The following PRDM5 variants were observed in gnomAD, a reference collection of about 807,000 sequenced individuals.
The protein encoded by PRDM5 is PR/SET domain 5.
In PRDM5, 56 loss-of-function variants were observed where a neutral mutation model predicts 81.2. The observed-to-expected ratio is 0.69, with a 90% CI of 0.56 to 0.86. The LOEUF (loss-of-function observed/expected upper bound fraction) is 0.86. PRDM5 is among the 40% of genes least tolerant of loss of function. PRDM5 has a pLI of 0.00. For synonymous variants in PRDM5, 267 were observed against 256.4 expected, an observed-to-expected ratio of 1.04 and a Z score of -0.39; for missense variants, 697 against 770.1, an observed-to-expected ratio of 0.91 and a Z score of 1.12.
intron 14 of PRDM5, among the ~76,000 whole-genome samples, chr4:120,750,058 G>GC (rs954214361): frequency 1.7e-4 from 11 of 66,156 alleles, no homozygotes; most frequent in African/African-American, 6.5e-4. Context: ...AGACACATGT[G>GC]CCTATAGAGC....
In PRDM5 at chr4:120,838,926, A is replaced by G. The variant is rs551607196; in HGVS notation, c.300+14492T>C. The G allele has an allele frequency of 4.6e-4, 203 of 443,034 alleles. 1 individual carries two copies. In the Middle Eastern group the frequency reaches 0.014, roughly 32 times the overall value. 27.4% of individuals were successfully genotyped at this position (443,034 alleles called of 1,614,324 possible). On this transcript the variant is annotated intron_variant, in intron 3 of 15. Transcript: ENST00000264808. ...AGTGAGTGTGGGGTCTGGCCAATGC[A>G]CAGTCAGATATGCCGGCTGCTGCAG...
At chr4:120,911,083 T>C (rs955193532) in intron 1 of PRDM5, among the ~76,000 whole-genome samples, 2 of 152,128 alleles carry the variant, frequency 1.3e-5, no homozygotes, top group African/African-American at 4.8e-5. Context: ...AGTTAGGCAG[T>C]AGGGCAACAC....
At chr4:120,839,421 C>T (rs1757739744) in intron 3 of PRDM5, 2 of 640,456 alleles carry the variant, frequency 3.1e-6, no homozygotes, top group South Asian at 3.5e-5. Context: ...AGGCTGCTAG[C>T]AGAGAAGGTA....
At chr4:120,763,700 G>A (rs748186947) in intron 13 of PRDM5, among the ~76,000 whole-genome samples, 4 of 152,170 alleles carry the variant, frequency 2.6e-5, no homozygotes, top group Non-Finnish European at 4.4e-5. Context: ...ATTTCACCCA[G>A]TAGTTTTCTA....
Position 120,907,334 on chromosome 4 carries a change from CA to C in PRDM5, c.177+139del, listed in dbSNP as rs61156380. On this transcript the variant is annotated intron_variant, in intron 2 of 15. Coordinates refer to ENST00000264808, the MANE Select transcript of PRDM5 (RefSeq NM_018699.4). ...GGGCAACAAGAGCAAATCTCCATCT[CA>C]AAAAAAAAAAAAAAAACCTAAAACA... is the stretch of plus-strand genomic sequence containing the variant. 120,829 of 559,942 alleles carry C rather than the reference CA, an allele frequency of 0.22. 968 individuals are homozygous for C. The highest frequency in any genetic ancestry group is 0.28 in the Middle Eastern group (669 of 2,412). The allele number at this position is 559,942 out of a possible 1,614,324, so 34.7% of individuals were successfully genotyped here.
intron 15 of PRDM5, among the ~76,000 whole-genome samples, chr4:120,704,627 A>C (rs2149009888): frequency 6.6e-6 from 1 of 152,324 alleles, no homozygotes; most frequent in South Asian, 2.1e-4. Context: ...AAAATGACAA[A>C]GAACACACTG....
At chr4:120,872,860 A>G (rs1238836304) in intron 2 of PRDM5, among the ~76,000 whole-genome samples, 1 of 152,146 alleles carries the variant, frequency 6.6e-6, no homozygotes, top group African/African-American at 2.4e-5. Flanking sequence ...AAGGATATAG[A>G]GTTTCCGATC....
Position 120,853,503 on chromosome 4 carries a change from T to C in PRDM5, c.215A>G (p.Asp72Gly), listed in dbSNP as rs1221914080. ...GSKGEVLYIL[D>G]ATNPRHSNWL... ...GTTGGAGTGCCGTGGGTTGGTAGCA[T>C]CCAAAATGTACAAAACTTCTCCCTT... Residue 72 changes from aspartate (D) to glycine (G), a missense_variant, in exon 3 of 16, where the codon GAT (aspartate) becomes GGT (glycine). Physicochemically the swap from Asp to Gly is moderately conservative, Grantham distance 94. This residue lies in a region of PRDM5 where 577 missense variants were observed against 606.7 expected (regional missense o/e 0.95). Coordinates refer to ENST00000264808, the MANE Select transcript of PRDM5 (RefSeq NM_018699.4). 3 of 1,613,630 alleles carry C rather than the reference T, an allele frequency of 1.9e-6. No homozygotes were observed. The highest frequency in any genetic ancestry group is 2.5e-6 in the Non-Finnish European group (3 of 1,179,740).
chr4:120,768,391 C>T lies in PRDM5; in HGVS notation c.1537+8797G>A, dbSNP rs150688801. Among the ~76,000 whole-genome samples, 47 of 152,014 alleles carry T rather than the reference C, an allele frequency of 3.1e-4. No homozygotes were observed. In the East Asian group the frequency reaches 5.6e-3, roughly 18 times the overall value. Reference sequence around the variant, plus strand: ...GAAATGGCTGAATCCTTTCAATGGCCGTGAAAGGATTAATTTAGATACTAT... The same window carrying T: ...GAAATGGCTGAATCCTTTCAATGGCTGTGAAAGGATTAATTTAGATACTAT... On this transcript the variant is annotated intron_variant, in intron 13 of 15. Transcript: ENST00000264808.
At chr4:120,715,161 C>T (rs1435930618) in intron 14 of PRDM5, among the ~76,000 whole-genome samples, 1 of 152,140 alleles carries the variant, frequency 6.6e-6, no homozygotes, top group Non-Finnish European at 1.5e-5. Context: ...GATTACCCTA[C>T]AGGTGCTGCA....
chr4:120,696,378 C>CTCTCTTGTTTAGTGT (rs1388381228), intron 15 of PRDM5, among the ~76,000 whole-genome samples: 1 of 152,128 alleles, frequency 6.6e-6, no homozygotes, highest in Admixed American at 6.6e-5. Context: ...AATTTACCTA[C>CTCTCTTGTTTAGTGT]TCTCTTGTTT....
chr4:120,916,943 C>T (rs530516427), intron 1 of PRDM5, among the ~76,000 whole-genome samples: 25 of 152,358 alleles, frequency 1.6e-4, no homozygotes, highest in African/African-American at 5.3e-4. Flanking sequence ...TCCCAGTTTA[C>T]ACACTTGCCC....
At chr4:120,871,949 G>A (rs1243225292) in intron 2 of PRDM5, among the ~76,000 whole-genome samples, 1 of 151,642 alleles carries the variant, frequency 6.6e-6, no homozygotes, top group Non-Finnish European at 1.5e-5. Flanking sequence ...TCAGGAGTTC[G>A]AGACCAGCCT....
chr4:120,821,182 G>A lies in PRDM5; in HGVS notation c.464C>T (p.Ala155Val), dbSNP rs755078221. The A allele has an allele frequency of 1.5e-5, 24 of 1,613,762 alleles. No homozygotes were observed. The highest frequency in any genetic ancestry group is 8.0e-5 in the African/African-American group (6 of 74,864). The change falls in exon 4 of 16, where the codon GCG (alanine) becomes GTG (valine). Residue 155 changes from alanine to valine, a missense_variant. Ala to Val is a moderately conservative substitution (Grantham distance 64). Transcript: ENST00000264808. ...EVENSRRQST[A>V]GRKDRLGCKE... The stretch of plus-strand genomic sequence containing the variant: ...TAAAGATGCAATACCTTTTCTGCCC[G>A]CTGTTGATTGTCTTCTAGAATTTTC...
intron 13 of PRDM5, among the ~76,000 whole-genome samples, chr4:120,763,621 G>A (rs1245757997): frequency 1.3e-5 from 2 of 152,202 alleles, no homozygotes; most frequent in Non-Finnish European, 2.9e-5. Context: ...AGTCAAGGAA[G>A]AAATGTTCTT....
In PRDM5 at chr4:120,686,268, G is replaced by A. The variant is rs189431124; in HGVS notation, n.104-1243C>T. On this transcript the variant is annotated intron_variant and non_coding_transcript_variant, in intron 1 of 1. Coordinates refer to the PRDM5 transcript ENST00000513741. Reference sequence around the variant, plus strand: ...CAGGTATTTATGACAATGCAAGAACGGCCTAATACTCCTTTCATTCTTCTT... The same window carrying A: ...CAGGTATTTATGACAATGCAAGAACAGCCTAATACTCCTTTCATTCTTCTT... Among the ~76,000 whole-genome samples, 163 of 152,110 alleles carry A rather than the reference G, an allele frequency of 1.1e-3. 1 individual carries two copies. The highest frequency in any genetic ancestry group is 3.8e-4 in the Non-Finnish European group (26 of 67,974).
At position 120,916,427 on chromosome 4, in the gene PRDM5, C is replaced by T. The variant is rs1267094553; in HGVS notation, c.93+6089G>A. Reference sequence around the variant, plus strand: ...AATAAATAAATAAATAAATAAATAGCTAAATGTAATGGTAAAAAGTAGAGG... The same window carrying T: ...AATAAATAAATAAATAAATAAATAGTTAAATGTAATGGTAAAAAGTAGAGG... On this transcript the variant is annotated intron_variant, in intron 1 of 15. Transcript: ENST00000264808. 6.8e-5 allele frequency among the ~76,000 whole-genome samples: 10 copies of T among 147,786 alleles called. No homozygotes were observed. The Admixed American group carries it at 6.8e-4, about 10-fold the overall frequency.
chr4:120,774,774 G>A (rs1747816233), intron 13 of PRDM5, among the ~76,000 whole-genome samples: 1 of 151,822 alleles, frequency 6.6e-6, no homozygotes, highest in Non-Finnish European at 1.5e-5. Context: ...ATTTTAAACA[G>A]AAAAATCTGG....
At chr4:120,700,994 G>A (rs11726937) in intron 15 of PRDM5, among the ~76,000 whole-genome samples, 26,264 of 151,956 alleles carry the variant, frequency 0.17, 2,602 homozygotes, top group Non-Finnish European at 0.24. Flanking sequence ...GTGCGGTGGC[G>A]GGTGCCTGTA....
Sources: gnomAD v4.1 joint callset for allele counts (sites outside exome capture counted in the v4.1 genomes callset) on GRCh38, gnomAD v4.1.1 for gene constraint, gnomAD v4.1.1 regional missense constraint, MANE v1.5 for transcripts, NCBI Gene and HGNC (gene_info 2026-07-23, HGNC 2026-07-21) for gene names.